The following MVB12B variants were observed in gnomAD, a reference collection of about 807,000 sequenced individuals.
MVB12B encodes the protein ESCRT-I complex subunit MVB12B.
A neutral mutation model predicts 41.6 loss-of-function variants in MVB12B; 16 were observed. The ratio of observed to expected loss-of-function variants is 0.38; its 90% CI spans 0.26 to 0.58. MVB12B has a LOEUF of 0.58. Among genes scored for constraint, MVB12B ranks in the 20% least tolerant of loss-of-function variants. The pLI is 0.62. For synonymous variants in MVB12B, 133 were observed against 139.7 expected (o/e 0.95, Z 0.34); for missense variants, 274 against 380.2 (o/e 0.72, Z 2.32).
chr9:126,456,688 C>A (rs999229062), intron 7 of MVB12B, among the ~76,000 whole-genome samples: 1 of 152,146 alleles, frequency 6.6e-6, no homozygotes, highest in Admixed American at 6.5e-5. Flanking sequence ...GAACGCGCAG[C>A]TTCCTTTTCC....
rs1834064372 is a variant in MVB12B at position 126,506,092 on chromosome 9, T to A, written c.*2829T>A. 1 of 152,270 alleles carries A rather than the reference T, an allele frequency of 6.6e-6. No homozygotes were observed. Among genetic ancestry groups the A allele is most frequent in the Non-Finnish European group, 1.5e-5 (1 of 68,004 alleles). 9.4% of individuals were successfully genotyped at this position (152,270 alleles called of 1,614,324 possible). A position where few individuals can be genotyped will look rare whatever the true frequency, so the allele number is the denominator to read the frequency against. ...TGCTGCAGTCTCCCTTGCAAATGTA[T>A]AATTAAGGCCTTTCTTCCCACCCCA... On this transcript the variant is annotated 3_prime_UTR_variant, in exon 10 of 10. Transcript: ENST00000361171.
chr9:126,419,175 G>A (rs925294862), intron 6 of MVB12B, among the ~76,000 whole-genome samples: 1 of 152,054 alleles, frequency 6.6e-6, no homozygotes, highest in African/African-American at 2.4e-5. Context: ...TGCACAAATC[G>A]CTCTGCATCC....
At chr9:126,490,228 G>A (rs575871892) in intron 9 of MVB12B, among the ~76,000 whole-genome samples, 1 of 152,238 alleles carries the variant, frequency 6.6e-6, no homozygotes, top group South Asian at 2.1e-4. Flanking sequence ...CAGTCCAGGC[G>A]GGAGCTTCTA....
chr9:126,407,071 C>T (rs1299928307), intron 6 of MVB12B, among the ~76,000 whole-genome samples: 2 of 152,168 alleles, frequency 1.3e-5, no homozygotes, highest in Non-Finnish European at 1.5e-5. Flanking sequence ...AAGACATTTT[C>T]TCTTGGGTTA....
chr9:126,481,160 G>A (rs1273446204), intron 7 of MVB12B: 14 of 591,546 alleles, frequency 2.4e-5, no homozygotes, highest in Middle Eastern at 3.3e-4. Flanking sequence ...AGGGGATGAC[G>A]AGGCGCCTGC....
At chr9:126,430,893 C>A (rs1472020736) in intron 7 of MVB12B, among the ~76,000 whole-genome samples, 1 of 152,218 alleles carries the variant, frequency 6.6e-6, no homozygotes, top group South Asian at 2.1e-4. Context: ...GTATCCATAC[C>A]TTTAAAACAA....
chr9:126,361,822 G>A (rs1267726528), intron 2 of MVB12B, among the ~76,000 whole-genome samples: 1 of 151,352 alleles, frequency 6.6e-6, no homozygotes, highest in Non-Finnish European at 1.5e-5. Flanking sequence ...GTTCAGGTGG[G>A]AGAATCACCC....
At position 126,477,856 on chromosome 9, in the gene MVB12B, C is replaced by G. The variant is rs926135195; in HGVS notation, c.758-3513C>G. Among the ~76,000 whole-genome samples, 3 of 152,248 alleles carry G rather than the reference C, an allele frequency of 2.0e-5. No individual in the cohort carries two copies. In the East Asian group the frequency reaches 5.8e-4, roughly 29 times the overall value. ...GCCTGGGCAACCCATTCTTCCTCAT[C>G]TCCTCTGCTGACTAGCAAGGCAAGA... On this transcript the variant is annotated intron_variant, in intron 7 of 9. Coordinates refer to ENST00000361171, the MANE Select transcript of MVB12B (RefSeq NM_033446.3).
intron 3 of MVB12B, among the ~76,000 whole-genome samples, chr9:126,385,961 C>CT (rs1226837295): frequency 6.6e-6 from 1 of 152,210 alleles, no homozygotes; most frequent in African/African-American, 2.4e-5. Context: ...ACCCCATATA[C>CT]TACCACTAAA....
intron 2 of MVB12B, among the ~76,000 whole-genome samples, chr9:126,359,210 T>C (rs1829963920): frequency 6.6e-6 from 1 of 152,134 alleles, no homozygotes; most frequent in African/African-American, 2.4e-5. Flanking sequence ...TGAAATACAC[T>C]GATTGATTTT....
At chr9:126,450,990 G>C (rs1832877682) in intron 7 of MVB12B, among the ~76,000 whole-genome samples, 1 of 152,200 alleles carries the variant, frequency 6.6e-6, no homozygotes, top group Admixed American at 6.5e-5. Context: ...GCACTGTTTG[G>C]CCTTTCTCCC....
intron 1 of MVB12B, among the ~76,000 whole-genome samples, chr9:126,329,316 G>A (rs1189916012): frequency 6.6e-6 from 1 of 152,242 alleles, no homozygotes; most frequent in Admixed American, 6.5e-5. Context: ...GCTAATGTAT[G>A]TGACTGCACT....
At chr9:126,348,210 T>C (rs1829651150) in intron 2 of MVB12B, among the ~76,000 whole-genome samples, 1 of 152,248 alleles carries the variant, frequency 6.6e-6, no homozygotes, top group African/African-American at 2.4e-5. Context: ...TGAGATTTAC[T>C]GAAATGCGGA....
chr9:126,445,951 T>C (rs1346852532), intron 7 of MVB12B, among the ~76,000 whole-genome samples: 1 of 152,194 alleles, frequency 6.6e-6, no homozygotes, highest in East Asian at 1.9e-4. Flanking sequence ...TTATACACCA[T>C]TGGTTTTTCT....
chr9:126,482,738 G>A (rs953013017), intron 8 of MVB12B, among the ~76,000 whole-genome samples: 1 of 152,222 alleles, frequency 6.6e-6, no homozygotes, highest in African/African-American at 2.4e-5. Context: ...AGCCGCGAGC[G>A]GAACGTGTGA....
At chr9:126,438,276 A>T (rs1238969170) in intron 7 of MVB12B, among the ~76,000 whole-genome samples, 1 of 152,178 alleles carries the variant, frequency 6.6e-6, no homozygotes, top group Non-Finnish European at 1.5e-5. Context: ...AGAAGGAAAA[A>T]CCCAGATAAT....
intron 7 of MVB12B, among the ~76,000 whole-genome samples, chr9:126,458,690 TCC>T (rs1226578060): frequency 6.6e-6 from 1 of 152,210 alleles, no homozygotes; most frequent in African/African-American, 2.4e-5. Flanking sequence ...GCTGTTAGGT[TCC>T]ATTGAAATGT....
chr9:126,383,042 A>T (rs1433890281), intron 3 of MVB12B, among the ~76,000 whole-genome samples: 1 of 152,228 alleles, frequency 6.6e-6, no homozygotes, highest in Non-Finnish European at 1.5e-5. Flanking sequence ...TTGGAAAAAG[A>T]ATGAATGGAT....
chr9:126,419,249 T>G (rs1183639993), intron 6 of MVB12B, among the ~76,000 whole-genome samples: 1 of 152,168 alleles, frequency 6.6e-6, no homozygotes, highest in Non-Finnish European at 1.5e-5. Context: ...CTGGCAGCCA[T>G]GAAGCAAAAT....
Sources: gnomAD v4.1 joint callset for allele counts (sites outside exome capture counted in the v4.1 genomes callset) on GRCh38, gnomAD v4.1.1 for gene constraint, MANE v1.5 for transcripts, NCBI Gene and HGNC (gene_info 2026-07-23, HGNC 2026-07-21) for gene names.